RANBP17: variants seen among roughly 807,000 people sequenced by gnomAD.
RANBP17 encodes the protein ran-binding protein 17.
RANBP17 carries 158 observed loss-of-function variants against 141.2 expected under a neutral mutation model. The ratio of observed to expected loss-of-function variants is 1.12; its 90% confidence interval spans 0.98 to 1.28. The LOEUF is 1.28. Ranked by LOEUF, RANBP17 falls within the 50% of genes most tolerant of loss-of-function variation. The pLI, the probability that RANBP17 is intolerant of heterozygous loss-of-function variation, is 0.00. For synonymous variants in RANBP17, 430 were observed against 450.0 expected (o/e 0.96, Z 0.56); for missense variants, 1,438 against 1,290.7 (o/e 1.11, Z -1.75).
intron 12 of RANBP17, among the ~76,000 whole-genome samples, chr5:170,951,067 T>C (rs147208066): frequency 3.0e-4 from 46 of 152,118 alleles, no homozygotes; most frequent in African/African-American, 1.1e-3. Context: ...GAGAATGGTG[T>C]GTGGGTGGAC....
chr5:170,934,536 A>G (rs1418305357), intron 12 of RANBP17, among the ~76,000 whole-genome samples: 1 of 152,134 alleles, frequency 6.6e-6, no homozygotes. Flanking sequence ...TTTGTCTGTA[A>G]AGGATTTTAT....
At chr5:171,081,628 G>A (rs1247164283) in intron 14 of RANBP17, among the ~76,000 whole-genome samples, 1 of 152,054 alleles carries the variant, frequency 6.6e-6, no homozygotes, top group African/African-American at 2.4e-5. Context: ...AATAGTCTTT[G>A]TAATTCAAAC....
intron 14 of RANBP17, among the ~76,000 whole-genome samples, chr5:171,083,618 G>A (rs1354272042): frequency 1.3e-5 from 2 of 152,164 alleles, no homozygotes; most frequent in East Asian, 1.9e-4. Context: ...CATTATTAAT[G>A]TAATGCAAAA....
At chr5:171,199,506 A>G (rs1476220191) in intron 18 of RANBP17, among the ~76,000 whole-genome samples, 164 bp from the exon 19 acceptor site, 1 of 152,196 alleles carries the variant, frequency 6.6e-6, no homozygotes, top group Non-Finnish European at 1.5e-5. Context: ...AAGGCACAAC[A>G]CCAGAATATT....
chr5:171,222,942 T>G (rs1212722365), intron 22 of RANBP17, among the ~76,000 whole-genome samples: 6 of 152,204 alleles, frequency 3.9e-5, no homozygotes, highest in African/African-American at 4.8e-5. Flanking sequence ...ATTCTAATAT[T>G]TGGGTACCCA....
At chr5:171,072,660 C>A (rs1002797497) in intron 14 of RANBP17, among the ~76,000 whole-genome samples, 1 of 152,128 alleles carries the variant, frequency 6.6e-6, no homozygotes, top group African/African-American at 2.4e-5. Context: ...CAGGCATTCT[C>A]ATTTATTGCC....
At chr5:170,878,319 C>A in intron 2 of RANBP17, 76 bp downstream of exon 2, 1 of 1,231,504 alleles carries the variant, frequency 8.1e-7, no homozygotes, top group Non-Finnish European at 1.1e-6. Flanking sequence ...CGTGTGTTAG[C>A]AATGGTAACT....
intron 14 of RANBP17, among the ~76,000 whole-genome samples, chr5:171,073,033 A>T (rs1784718093): frequency 6.6e-6 from 1 of 151,978 alleles, no homozygotes; most frequent in African/African-American, 2.4e-5. Flanking sequence ...CAGAAAACAG[A>T]TAGGTGGTTA....
At chr5:171,030,069 A>C (rs1242984121) in intron 14 of RANBP17, among the ~76,000 whole-genome samples, 1 of 152,094 alleles carries the variant, frequency 6.6e-6, no homozygotes, top group East Asian at 1.9e-4. Flanking sequence ...TTATGAACTG[A>C]AGTTAATATA....
At chr5:170,971,578 AC>A in intron 14 of RANBP17, among the ~76,000 whole-genome samples, 1 of 152,212 alleles carries the variant, frequency 6.6e-6, no homozygotes, top group Admixed American at 6.5e-5. Flanking sequence ...GGCCCTTGAA[AC>A]TTATTTCCAA....
chr5:170,914,217 CT>C lies in RANBP17; in HGVS notation c.813del (p.Pro272HisfsTer7). 6.2e-7 allele frequency: 1 copy of C among 1,608,066 alleles called. No homozygotes were observed. Among genetic ancestry groups the C allele is most frequent in the South Asian group, 1.1e-5 (1 of 90,888 alleles). Reference sequence around the variant, plus strand: ...TCTTTTCTTCAATTTGTATCATTCACTTCCACCACTACTATCTCAGTTAGTA... The same window carrying C: ...TCTTTTCTTCAATTTGTATCATTCACTCCACCACTACTATCTCAGTTAGTA... ...LDLFFNLYHSLPPLLSQLALS... is the reference protein window; with the variant it reads ...LDLFFNLYHSXPPLLSQLALS... On this transcript the variant is annotated frameshift_variant, in exon 8 of 28. Transcript: ENST00000523189. LOFTEE classifies it high-confidence loss of function.
intron 1 of RANBP17, among the ~76,000 whole-genome samples, chr5:170,865,489 A>G (rs901806735): frequency 1.9e-4 from 29 of 152,208 alleles, no homozygotes; most frequent in African/African-American, 6.0e-4. Flanking sequence ...AAATCGAACC[A>G]TGACATTTCT....
chr5:170,908,872 C>G (rs1771294347), intron 5 of RANBP17, among the ~76,000 whole-genome samples: 1 of 151,766 alleles, frequency 6.6e-6, no homozygotes, highest in Admixed American at 6.6e-5. Flanking sequence ...TCTATAAACA[C>G]TAGCAAGGAA....
intron 16 of RANBP17, among the ~76,000 whole-genome samples, chr5:171,180,035 C>T (rs1184019155): frequency 6.6e-6 from 1 of 152,172 alleles, no homozygotes; most frequent in East Asian, 1.9e-4. Context: ...ACTGTCTTCA[C>T]CCTCTTCGAT....
chr5:171,116,443 T>A (rs1430353539), intron 14 of RANBP17, among the ~76,000 whole-genome samples: 1 of 152,212 alleles, frequency 6.6e-6, no homozygotes, highest in Non-Finnish European at 1.5e-5. Flanking sequence ...AAAATATTAA[T>A]AACACTGGTG....
intron 5 of RANBP17, among the ~76,000 whole-genome samples, chr5:170,901,820 C>T (rs1770660691): frequency 6.6e-6 from 1 of 152,180 alleles, no homozygotes; most frequent in African/African-American, 2.4e-5. Flanking sequence ...GTTGAAGATT[C>T]TTTTCTTTAC....
intron 20 of RANBP17, among the ~76,000 whole-genome samples, chr5:171,213,112 A>T (rs907876568): frequency 1.3e-5 from 2 of 152,158 alleles, no homozygotes; most frequent in Non-Finnish European, 2.9e-5. Flanking sequence ...ATATTTTTTT[A>T]AAAAGAATAA....
At chr5:170,903,461 C>A in intron 5 of RANBP17, 1 of 159,800 alleles carries the variant, frequency 6.3e-6, no homozygotes. Flanking sequence ...ACTTGGCTCC[C>A]TGGCTTAGCC....
chr5:171,228,831 A>G (rs919236145), intron 22 of RANBP17, among the ~76,000 whole-genome samples: 3 of 152,168 alleles, frequency 2.0e-5, no homozygotes, highest in East Asian at 1.9e-4. Flanking sequence ...GCAATAAAAC[A>G]TTTTTAATTA....
Sources: allele counts gnomAD v4.1 joint callset (sites outside exome capture counted in the v4.1 genomes callset), GRCh38; gene constraint gnomAD v4.1.1; transcripts MANE v1.5; gene names NCBI Gene and HGNC (gene_info 2026-07-23, HGNC 2026-07-21).